Variants in ANK2 observed in about 807,000 individuals in gnomAD.
The protein encoded by ANK2 is ankyrin-2.
In ANK2, 83 loss-of-function variants were observed where a neutral mutation model predicts 360.5. The ratio of observed to expected loss-of-function variants is 0.23; its 90% CI spans 0.19 to 0.28. The LOEUF is 0.28. Ranked by LOEUF, ANK2 falls within the 10% of genes least tolerant of loss-of-function variation. The pLI is 1.00. For missense variants in ANK2, 4,201 were observed against 4,795.7 expected (o/e 0.88, Z 3.66); for synonymous variants, 1,740 against 1,759.5 (o/e 0.99, Z 0.28).
the ANK2 span, among the ~76,000 whole-genome samples, chr4:112,765,400 A>C: frequency 2.0e-5 from 3 of 152,040 alleles, no homozygotes; most frequent in Non-Finnish European, 2.9e-5. Flanking sequence ...TGCCTTGTTG[A>C]GAGGGAGAAC....
At chr4:112,782,870 A>G in the ANK2 span, among the ~76,000 whole-genome samples, 1 of 130,702 alleles carries the variant, frequency 7.7e-6, no homozygotes, top group South Asian at 2.6e-4. Context: ...ACTCCATCTC[A>G]AAAAAAACAA....
At chr4:112,723,423 G>A in the ANK2 span, among the ~76,000 whole-genome samples, 1 of 152,150 alleles carries the variant, frequency 6.6e-6, no homozygotes, top group African/African-American at 2.4e-5. Flanking sequence ...GAGTGCAGTG[G>A]CGCGATCTCG....
rs969552950 is a variant in ANK2, at chr4:113,355,205, G to A, written c.6587G>A (p.Gly2196Asp). The change falls in exon 38 of 46, where the codon GGT becomes GAT. Residue 2196 changes from glycine (G) to aspartate (D), a missense_variant. Physicochemically the swap from Gly to Asp is moderately conservative, Grantham distance 94. Transcript: ENST00000357077. ...CTTCCAGCTCTGTCTTTACAAAGCG[G>A]TGCTTTAGATGGCAGTTCTGAAAGC... ...EFLPALSLQS[G>D]ALDGSSESLK... 3 of 1,613,980 alleles carry A rather than the reference G, an allele frequency of 1.9e-6. No homozygotes were observed. The highest frequency in any genetic ancestry group is 1.3e-5 in the African/African-American group (1 of 74,906).
At chr4:113,143,121 G>T (rs2096700636) in intron 1 of ANK2, among the ~76,000 whole-genome samples, 2 of 152,090 alleles carry the variant, frequency 1.3e-5, no homozygotes, top group South Asian at 4.1e-4. Context: ...TAATACTAGT[G>T]TGCATATTTA....
chr4:113,347,816 AAAAAAG>A (rs1426547563), intron 35 of ANK2: 4 of 177,710 alleles, frequency 2.3e-5, no homozygotes, highest in African/African-American at 9.6e-5. Flanking sequence ...TAAAAAAAAA[AAAAAAG>A]AAAGAATTTA....
At chr4:113,256,475 A>G (rs1471592953) in intron 11 of ANK2, among the ~76,000 whole-genome samples, 1 of 152,198 alleles carries the variant, frequency 6.6e-6, no homozygotes, top group Non-Finnish European at 1.5e-5. Context: ...GGCTTCAGGG[A>G]GCATTTTATA....
chr4:113,236,886 T>G, intron 5 of ANK2, 101 bp from the exon 6 acceptor site: 1 of 1,198,666 alleles, frequency 8.3e-7, no homozygotes, highest in Non-Finnish European at 1.2e-6. Flanking sequence ...TTCTTTTGGT[T>G]GTCAATCTTG....
At chr4:112,733,086 G>A in the ANK2 span, among the ~76,000 whole-genome samples, 4 of 151,984 alleles carry the variant, frequency 2.6e-5, no homozygotes, top group Middle Eastern at 3.2e-3. Flanking sequence ...GTGTGGTGGC[G>A]GGCACCTGTA....
At chr4:112,726,040 A>T in the ANK2 span, among the ~76,000 whole-genome samples, 7 of 152,204 alleles carry the variant, frequency 4.6e-5, no homozygotes, top group Non-Finnish European at 1.0e-4. Context: ...GTCAGAGAAC[A>T]CTTCCCTGAT....
chr4:113,011,006 C>T (rs927783812), intron 2 of ANK2, among the ~76,000 whole-genome samples: 2 of 152,066 alleles, frequency 1.3e-5, no homozygotes, highest in Non-Finnish European at 2.9e-5. Flanking sequence ...TATGACTAGC[C>T]TCACTTCAGA....
intron 2 of ANK2, among the ~76,000 whole-genome samples, chr4:113,192,128 T>C (rs962276807): frequency 1.3e-5 from 2 of 152,208 alleles, no homozygotes; most frequent in Admixed American, 1.3e-4. Context: ...GTTTGTTACG[T>C]AGGTATACGT....
chr4:112,812,919 T>C, the ANK2 span, among the ~76,000 whole-genome samples: 1 of 152,122 alleles, frequency 6.6e-6, no homozygotes, highest in South Asian at 2.1e-4. Context: ...TGGTTCTTTT[T>C]AGTGAGGAAT....
At chr4:113,283,727 CTG>C (rs1289870636) in intron 18 of ANK2, among the ~76,000 whole-genome samples, 4 of 152,140 alleles carry the variant, frequency 2.6e-5, no homozygotes, top group African/African-American at 4.8e-5. Context: ...GAATTGGAAA[CTG>C]TATTTATTAA....
At chr4:113,381,316 T>C (rs1488016382) in intron 45 of ANK2, 141 bp from the exon 46 acceptor site, 8 of 859,246 alleles carry the variant, frequency 9.3e-6, no homozygotes, top group South Asian at 4.3e-5. Context: ...AAGATGTCTA[T>C]AGTTTGTTAT....
At chr4:113,214,367 AC>A in intron 4 of ANK2, 1 of 871,492 alleles carries the variant, frequency 1.1e-6, no homozygotes, top group Non-Finnish European at 1.8e-6. Flanking sequence ...TTTTGGCACG[AC>A]CATTGTTCCT....
chr4:113,076,316 A>G (rs2079944002), intron 1 of ANK2, among the ~76,000 whole-genome samples: 1 of 152,256 alleles, frequency 6.6e-6, no homozygotes, highest in Non-Finnish European at 1.5e-5. Flanking sequence ...AGGGTTGGAC[A>G]AACTTGCTAA....
chr4:112,747,999 A>G, the ANK2 span, among the ~76,000 whole-genome samples: 2 of 152,184 alleles, frequency 1.3e-5, no homozygotes, highest in African/African-American at 4.8e-5. Flanking sequence ...CTATCATCCT[A>G]GATTATAATG....
intron 1 of ANK2, among the ~76,000 whole-genome samples, chr4:113,131,765 C>T (rs933071694): frequency 2.0e-5 from 3 of 152,198 alleles, no homozygotes; most frequent in Non-Finnish European, 2.9e-5. Context: ...AACATTCCTG[C>T]ACACTAAAGC....
intron 14 of ANK2, among the ~76,000 whole-genome samples, chr4:113,270,629 C>A (rs1563308020): frequency 6.6e-6 from 1 of 151,986 alleles, no homozygotes; most frequent in Non-Finnish European, 1.5e-5. Context: ...ACTGAAATCC[C>A]TTCCCTATAG....
Sources: allele counts gnomAD v4.1 joint callset (sites outside exome capture counted in the v4.1 genomes callset), GRCh38; gene constraint gnomAD v4.1.1; transcripts MANE v1.5; gene names NCBI Gene and HGNC (gene_info 2026-07-23, HGNC 2026-07-21).